The following HABP2 variants were observed in gnomAD, a reference collection of about 807,000 sequenced individuals.
HABP2 encodes hyaluronan binding protein 2.
In HABP2, 65 loss-of-function variants were observed where a neutral mutation model predicts 66.5. That is an observed-to-expected ratio of 0.98 (90% CI 0.80 to 1.20). The LOEUF (loss-of-function observed/expected upper bound fraction) is 1.20, where lower values mean the gene tolerates loss of function less well. Among genes scored for constraint, HABP2 ranks in the 50% most tolerant of loss-of-function variants. HABP2 has a pLI of 0.00. For synonymous variants in HABP2, 263 were observed against 253.9 expected, an observed-to-expected ratio of 1.04 and a Z score of -0.34; for missense variants, 786 against 691.0, an observed-to-expected ratio of 1.14 and a Z score of -1.54.
chr10:113,581,046 G>T (rs1845519516), intron 8 of HABP2, among the ~76,000 whole-genome samples: 1 of 152,172 alleles, frequency 6.6e-6, no homozygotes, highest in Admixed American at 6.5e-5. Flanking sequence ...AGCCTCTTAG[G>T]ATGCAAAGCA....
Position 113,577,181 on chromosome 10 carries a change from C to T in HABP2, c.363C>T (p.Gly121=). 6.2e-7 allele frequency: 1 copy of T among 1,611,786 alleles called. No individual in the cohort carries two copies. The highest frequency in any genetic ancestry group is 1.3e-5 in the African/African-American group (1 of 74,978). Residue 121 remains glycine (G), a synonymous_variant, in exon 5 of 13, where the codon GGC becomes GGT. Transcript: ENST00000351270. The part of the protein sequence containing the change: ...VQNTCKDNPC[G]RGQCLITQSP... ...ATACGTGCAAGGACAACCCATGTGG[C>T]CGGGGCCAATGTCTCATTACCCAGA...
At chr10:113,561,353 G>A (rs1411877937) in intron 1 of HABP2, among the ~76,000 whole-genome samples, 1 of 152,156 alleles carries the variant, frequency 6.6e-6, no homozygotes. Flanking sequence ...ACTGCCCTCT[G>A]CCACCTCCAC....
intron 1 of HABP2, among the ~76,000 whole-genome samples, chr10:113,567,108 C>T (rs975154005): frequency 6.6e-6 from 1 of 152,132 alleles, no homozygotes; most frequent in Non-Finnish European, 1.5e-5. Context: ...ATGCAAGCCT[C>T]TTCATAGGGC....
intron 1 of HABP2, among the ~76,000 whole-genome samples, chr10:113,566,623 C>G (rs1203509290): frequency 6.6e-6 from 1 of 152,150 alleles, no homozygotes; most frequent in Non-Finnish European, 1.5e-5. Context: ...TGCAAATAAA[C>G]AAATGTAAAT....
rs145988791 is a variant in HABP2 at position 113,571,690 on chromosome 10, C to G, written c.107-2599C>G. Among the ~76,000 whole-genome samples, 566 of 152,272 alleles carry G rather than the reference C, an allele frequency of 3.7e-3. 1 individual carries two copies. The highest frequency in any genetic ancestry group is 0.012 in the African/African-American group (516 of 41,558). ...GTTTCACTGTGGAACTTGAGGGCGC[C>G]AGGCCTAGACTTGGTCACTTCTAGC... On this transcript the variant is annotated intron_variant, in intron 2 of 12. Transcript: ENST00000351270.
At chr10:113,577,078 A>G (rs1406849176) in intron 4 of HABP2, 72 bp from the exon 5 acceptor site, 1 of 852,908 alleles carries the variant, frequency 1.2e-6, no homozygotes, top group Non-Finnish European at 2.0e-6. Context: ...ACCCTCAAAC[A>G]TTGTTTTATA....
intron 1 of HABP2, among the ~76,000 whole-genome samples, chr10:113,560,297 C>T (rs1845077431): frequency 6.6e-6 from 1 of 152,226 alleles, no homozygotes; most frequent in Admixed American, 6.5e-5. Context: ...TGGAGTTGCA[C>T]CACTTCACAC....
At chr10:113,577,551 AC>A (rs1845434599) in intron 5 of HABP2, among the ~76,000 whole-genome samples, 1 of 152,234 alleles carries the variant, frequency 6.6e-6, no homozygotes, top group Non-Finnish European at 1.5e-5. Flanking sequence ...GGGAATGAAT[AC>A]ATATCGAGTC....
At chr10:113,556,231 A>G (rs1484288607) in intron 1 of HABP2, among the ~76,000 whole-genome samples, 2 of 152,256 alleles carry the variant, frequency 1.3e-5, no homozygotes, top group African/African-American at 4.8e-5. Flanking sequence ...CTTGGTGGAT[A>G]GAAGATTGAC....
intron 12 of HABP2, 92 bp downstream of exon 12, chr10:113,586,030 G>A: frequency 8.7e-7 from 1 of 1,146,172 alleles, no homozygotes; most frequent in South Asian, 1.3e-5. Flanking sequence ...TGGGAGCTAG[G>A]TTCAGAGGTC....
intron 12 of HABP2, among the ~76,000 whole-genome samples, chr10:113,587,552 C>CATT (rs1190973665): frequency 6.6e-6 from 1 of 152,118 alleles, no homozygotes; most frequent in Non-Finnish European, 1.5e-5. Flanking sequence ...ATAGAGAATT[C>CATT]ATTTTTTAAA....
intron 9 of HABP2, among the ~76,000 whole-genome samples, chr10:113,582,622 G>A (rs544902632): frequency 8.5e-5 from 13 of 152,172 alleles, no homozygotes; most frequent in Non-Finnish European, 1.9e-4. Flanking sequence ...CTTTTGTCCT[G>A]CCCTGAATAG....
rs773376054 is a variant in HABP2, at chr10:113,588,960, CAG to C, written c.*592_*593del. ...ACTTCCTCTCTGGCCTCTCAGGAAT[CAG>C]GGTGGACATGGCTCACAACAGCAGG... is the stretch of plus-strand genomic sequence containing the variant. On this transcript the variant is annotated 3_prime_UTR_variant, in exon 13 of 13. Transcript: ENST00000351270. 6.3e-7 allele frequency: 1 copy of C among 1,580,980 alleles called. No individual in the cohort carries two copies. The highest frequency in any genetic ancestry group is 1.5e-5 in the African/African-American group (1 of 67,706).
chr10:113,560,010 G>A (rs1488069789), intron 1 of HABP2, among the ~76,000 whole-genome samples: 1 of 152,232 alleles, frequency 6.6e-6, no homozygotes, highest in Non-Finnish European at 1.5e-5. Context: ...CTCCTCTGCA[G>A]ATGAAGGGTC....
intron 12 of HABP2, 110 bp downstream of exon 12, chr10:113,586,048 G>A: frequency 1.0e-6 from 1 of 957,202 alleles, no homozygotes; most frequent in Non-Finnish European, 1.6e-6. Context: ...GTCCACCTGT[G>A]GTAAAGCTAA....
chr10:113,583,187 C>T lies in HABP2; in HGVS notation c.1095-29C>T, dbSNP rs1845571854. 7.5e-6 allele frequency: 12 copies of T among 1,610,514 alleles called. No individual in the cohort carries two copies. The East Asian group carries it at 1.3e-4, about 18-fold the overall frequency. ...CCACACAGCTGAGCAGAAACAGTGC[C>T]TTCCTGACCATCTCATTTTCCCTTG... On this transcript the variant is annotated intron_variant, in intron 9 of 12. Transcript: ENST00000351270.
rs1438104767 is a variant in HABP2, at chr10:113,589,590, C to CTT, written c.*1223_*1224dup. 21 of 1,540,430 alleles carry CTT rather than the reference C, an allele frequency of 1.4e-5. No homozygotes were observed. Among genetic ancestry groups the CTT allele is most frequent in the South Asian group, 7.4e-5 (6 of 81,246 alleles). ...TAGCTGACCTTTGGCCAAAAATAAA[C>CTT]TTTGAAAAGAAACAATGAGTTTGTC... is the stretch of plus-strand genomic sequence containing the variant. On this transcript the variant is annotated 3_prime_UTR_variant, in exon 13 of 13. Coordinates refer to ENST00000351270, the MANE Select transcript of HABP2 (RefSeq NM_004132.5).
In HABP2 at chr10:113,584,180, T is replaced by C. The variant is rs1845592957; in HGVS notation, c.1270T>C (p.Cys424Arg). ...CAAGTTAAAGCCAGTGGATGGTCAC[T>C]GTGCTCTAGAATCCAAATACGTGAA... ...LLKLKPVDGH[C>R]ALESKYVKTV... The change falls in exon 11 of 13, where the codon TGT becomes CGT. Residue 424 changes from cysteine (C) to arginine (R), a missense_variant. Transcript: ENST00000351270. 6.2e-7 allele frequency: 1 copy of C among 1,613,794 alleles called. No individual in the cohort carries two copies. Among genetic ancestry groups the C allele is most frequent in the Admixed American group, 1.7e-5 (1 of 60,018 alleles).
chr10:113,585,392 A>G (rs1227445835), intron 11 of HABP2, among the ~76,000 whole-genome samples: 4 of 152,302 alleles, frequency 2.6e-5, no homozygotes, highest in African/African-American at 7.2e-5. Context: ...TTTACAGGGG[A>G]AAATGCCTGC....
Sources: allele counts gnomAD v4.1 joint callset (sites outside exome capture counted in the v4.1 genomes callset), GRCh38; gene constraint gnomAD v4.1.1; transcripts MANE v1.5; gene names NCBI Gene and HGNC (gene_info 2026-07-23, HGNC 2026-07-21).